RARS1: variants seen among roughly 807,000 people sequenced by gnomAD.
The protein encoded by RARS1 is arginine--tRNA ligase, cytoplasmic.
Under a neutral mutation model 78.7 loss-of-function variants are expected in RARS1, and 75 were observed. That is an observed-to-expected ratio of 0.95 (90% CI 0.79 to 1.15). The LOEUF (loss-of-function observed/expected upper bound fraction) is 1.15. RARS1 is among the 50% of genes most tolerant of loss of function. RARS1 has a pLI of 0.00. For missense variants in RARS1, 787 were observed against 787.5 expected, an observed-to-expected ratio of 1.00 and a Z score of 0.01; for synonymous variants, 273 against 268.2, an observed-to-expected ratio of 1.02 and a Z score of -0.18.
chr5:168,496,369 A>T (rs1444380445), intron 6 of RARS1, among the ~76,000 whole-genome samples: 3 of 111,744 alleles, frequency 2.7e-5, no homozygotes, highest in African/African-American at 7.3e-5. Context: ...ACAGAGCAAG[A>T]CTCTCTGTCA....
At chr5:168,518,660 TA>T (rs1265080106) in intron 14 of RARS1, among the ~76,000 whole-genome samples, 1 of 152,138 alleles carries the variant, frequency 6.6e-6, no homozygotes, top group Non-Finnish European at 1.5e-5. Context: ...TCATATTACA[TA>T]GTTAATGAAG....
intron 9 of RARS1, 110 bp downstream of exon 9, chr5:168,502,215 G>T: frequency 2.1e-6 from 3 of 1,441,572 alleles, no homozygotes; most frequent in Non-Finnish European, 2.7e-6. Flanking sequence ...AATTTCAACA[G>T]TTATGGGTAC....
chr5:168,494,480 C>T, intron 4 of RARS1, 70 bp from the exon 5 acceptor site: 1 of 1,582,068 alleles, frequency 6.3e-7, no homozygotes. Context: ...GTGTCTGGAG[C>T]AAATCCTTAG....
intron 9 of RARS1, among the ~76,000 whole-genome samples, chr5:168,502,379 TATATA>T (rs1227084654): frequency 1.5e-4 from 14 of 90,938 alleles, no homozygotes; most frequent in African/African-American, 6.4e-4. Flanking sequence ...TATATATATA[TATATA>T]TTTTTTTTTT....
At chr5:168,514,449 G>A (rs4976620) in intron 12 of RARS1, among the ~76,000 whole-genome samples, 26,342 of 151,958 alleles carry the variant, frequency 0.17, 2,805 homozygotes, top group Admixed American at 0.3. Flanking sequence ...TTGGTATTCT[G>A]TGTTTAAGGT....
chr5:168,514,618 A>G (rs1472795096), intron 12 of RARS1, among the ~76,000 whole-genome samples: 1 of 152,224 alleles, frequency 6.6e-6, no homozygotes, highest in East Asian at 1.9e-4. Context: ...TTCATTTAGT[A>G]TCCCCAGATA....
chr5:168,517,077 G>C lies in RARS1; in HGVS notation c.1625+127G>C. ...GGGCTCAAATGATCCTCCCACCTCA[G>C]CCTCCTGAGTAGCTGGGATTACTGA... is the stretch of plus-strand genomic sequence containing the variant. On this transcript the variant is annotated intron_variant, in intron 13 of 14. Transcript: ENST00000231572. 4.1e-6 allele frequency: 4 copies of C among 967,436 alleles called. No homozygotes were observed. In the South Asian group the frequency reaches 6.6e-5, roughly 16 times the overall value. The allele number at this position is 967,436 out of a possible 1,614,324, so 59.9% of individuals were successfully genotyped here. A position where few individuals can be genotyped will look rare whatever the true frequency, so the allele number is the denominator to read the frequency against.
intron 2 of RARS1, among the ~76,000 whole-genome samples, chr5:168,489,551 A>G (rs1204979056): frequency 1.3e-5 from 2 of 151,944 alleles, no homozygotes; most frequent in African/African-American, 4.8e-5. Flanking sequence ...TGCTATGTTT[A>G]TTTAATGGTC....
chr5:168,516,124 A>G (rs187187832), intron 12 of RARS1, among the ~76,000 whole-genome samples: 278 of 152,292 alleles, frequency 1.8e-3, no homozygotes, highest in Middle Eastern at 0.01. Flanking sequence ...TCTAAGAACT[A>G]TAGTCCCTTC....
chr5:168,488,204 C>T (rs536465046), intron 1 of RARS1: 27 of 389,272 alleles, frequency 6.9e-5, no homozygotes, highest in African/African-American at 2.3e-4. Flanking sequence ...CTCGACTCAC[C>T]GCAACCTCAG....
At chr5:168,505,012 A>AT (rs57821179) in intron 9 of RARS1, among the ~76,000 whole-genome samples, 3,759 of 152,208 alleles carry the variant, frequency 0.025, 136 homozygotes, top group African/African-American at 0.085. Flanking sequence ...AATAAATGCA[A>AT]TTTTTTAAAT....
rs778762666 is a variant in RARS1, at chr5:168,488,121, A to ATTCTTT, written c.46-466_46-461dup. ...AAACACATGTATGTGTGGTTAATATATTCTTTTTCTTTTTCTTTTTTTTTG... is the reference window on the plus strand; with the variant it reads ...AAACACATGTATGTGTGGTTAATATATTCTTTTTCTTTTTCTTTTTCTTTTTTTTTG... On this transcript the variant is annotated intron_variant, in intron 1 of 14. Transcript: ENST00000231572. The ATTCTTT allele has an allele frequency of 1.1e-5, 4 of 365,198 alleles. No homozygotes were observed. The Admixed American group carries it at 1.4e-4, about 13-fold the overall frequency. 22.6% of individuals were successfully genotyped at this position (365,198 alleles called of 1,614,324 possible).
At chr5:168,499,020 T>A (rs1259455601) in intron 7 of RARS1, among the ~76,000 whole-genome samples, 4 of 152,082 alleles carry the variant, frequency 2.6e-5, no homozygotes, top group African/African-American at 4.8e-5. Flanking sequence ...AAATGTTTTT[T>A]AAAAATTTCC....
At chr5:168,492,590 AT>A (rs1758107061) in intron 2 of RARS1, 68 bp from the exon 3 acceptor site, 1 of 1,314,640 alleles carries the variant, frequency 7.6e-7, no homozygotes, top group Non-Finnish European at 1.1e-6. Context: ...TACTCAAAAT[AT>A]TTGGAGACAT....
chr5:168,513,036 T>G (rs1758595330), intron 12 of RARS1, among the ~76,000 whole-genome samples: 1 of 151,522 alleles, frequency 6.6e-6, no homozygotes, highest in South Asian at 2.1e-4. Flanking sequence ...TTATTTTTCT[T>G]TCTTTTCTTT....
intron 11 of RARS1, among the ~76,000 whole-genome samples, chr5:168,508,619 CAAAAAAA>C (rs34579916): frequency 1.1e-4 from 7 of 61,258 alleles, no homozygotes; most frequent in Admixed American, 5.9e-4. Context: ...GACTCTGTCT[CAAAAAAA>C]AAAAAAAAAA....
intron 6 of RARS1, among the ~76,000 whole-genome samples, chr5:168,496,135 C>T (rs935758676): frequency 5.3e-5 from 8 of 152,050 alleles, no homozygotes; most frequent in Non-Finnish European, 1.2e-4. Flanking sequence ...AAACCCAGCA[C>T]TTTGGGAGGC....
At chr5:168,511,288 TG>T (rs1396202122) in intron 12 of RARS1, among the ~76,000 whole-genome samples, 1 of 151,916 alleles carries the variant, frequency 6.6e-6, no homozygotes, top group East Asian at 1.9e-4. Context: ...AATTGGCTCA[TG>T]GTTCTTCTGG....
At position 168,518,071 on chromosome 5, in the gene RARS1, C is replaced by CTTTTGTTTTTTTTTTTTTTTTTTT. The variant is rs1758710338; in HGVS notation, c.1873+13_1873+14insGTTTTTTTTTTTTTTTTTTTTTTT. 1 of 632,602 alleles carries CTTTTGTTTTTTTTTTTTTTTTTTT rather than the reference C, an allele frequency of 1.6e-6. No homozygotes were observed. Among genetic ancestry groups the CTTTTGTTTTTTTTTTTTTTTTTTT allele is most frequent in the South Asian group, 3.4e-5 (1 of 29,058 alleles). 39.2% of individuals were successfully genotyped at this position (632,602 alleles called of 1,614,324 possible). On this transcript the variant is annotated intron_variant, in intron 14 of 14. Transcript: ENST00000231572. The stretch of plus-strand genomic sequence containing the variant: ...GAAAGATAGACAGACTGGTGAGTGT[C>CTTTTGTTTTTTTTTTTTTTTTTTT]TTTTTTTTTTTTTTTTTTTTTTTTA...
Sources: allele counts gnomAD v4.1 joint callset (sites outside exome capture counted in the v4.1 genomes callset), GRCh38; gene constraint gnomAD v4.1.1; transcripts MANE v1.5; gene names NCBI Gene and HGNC (gene_info 2026-07-23, HGNC 2026-07-21).